Variants in ROBO2 observed in about 807,000 individuals in gnomAD.
ROBO2 encodes roundabout guidance receptor 2, also known as roundabout homolog 2.
In ROBO2, 53 loss-of-function variants were observed where a neutral mutation model predicts 160.8. The ratio of observed to expected loss-of-function variants is 0.33; its 90% CI spans 0.26 to 0.41. The LOEUF (loss-of-function observed/expected upper bound fraction) is 0.41. ROBO2 is among the 10% of genes least tolerant of loss of function. ROBO2 has a pLI of 1.00. For missense variants in ROBO2, 1,577 were observed against 1,722.4 expected (o/e 0.92, Z 1.49); for synonymous variants, 664 against 611.7 (o/e 1.09, Z -1.26).
At chr3:76,983,844 A>G (rs1185282127) in intron 2 of ROBO2, among the ~76,000 whole-genome samples, 4 of 152,216 alleles carry the variant, frequency 2.6e-5, no homozygotes, top group Non-Finnish European at 5.9e-5. Flanking sequence ...AAGCTGGTGT[A>G]TTAGTCTTTC....
chr3:77,036,000 G>T (rs2063612138), upstream of ROBO2, among the ~76,000 whole-genome samples: 1 of 151,790 alleles, frequency 6.6e-6, no homozygotes, highest in Non-Finnish European at 1.5e-5. Flanking sequence ...GTATATTTTG[G>T]TACACTGCGG....
At chr3:76,919,180 C>T (rs370346474) in intron 2 of ROBO2, among the ~76,000 whole-genome samples, 2 of 151,442 alleles carry the variant, frequency 1.3e-5, no homozygotes, top group South Asian at 2.1e-4. Context: ...ACATGTACCC[C>T]GGAACTTAAA....
intron 2 of ROBO2, among the ~76,000 whole-genome samples, chr3:77,438,121 T>C (rs1671083696): frequency 6.6e-6 from 1 of 151,882 alleles, no homozygotes; most frequent in South Asian, 2.1e-4. Flanking sequence ...CTACACAGCC[T>C]TGATTGGATT....
At chr3:76,333,536 G>T (rs1429811258) in intron 2 of ROBO2, among the ~76,000 whole-genome samples, 1 of 152,120 alleles carries the variant, frequency 6.6e-6, no homozygotes, top group African/African-American at 2.4e-5. Context: ...TTAATAAAAA[G>T]ATGTGGTTGC....
Position 76,056,398 on chromosome 3 carries a change from A to C in ROBO2, c.109+118796A>C, listed in dbSNP as rs562415833. ...ACTAACCCTGCTTATAAAACCTTTA[A>C]ATTGCGTGATATTTTCTTTAAAAAA... On this transcript the variant is annotated intron_variant, in intron 2 of 26. Transcript: ENST00000487694. 8.5e-4 allele frequency among the ~76,000 whole-genome samples: 129 copies of C among 152,206 alleles called. 1 individual carries two copies. Among genetic ancestry groups the C allele is most frequent in the Non-Finnish European group, 1.7e-3 (119 of 68,014 alleles).
chr3:76,766,201 C>T (rs2061569070), intron 2 of ROBO2, among the ~76,000 whole-genome samples: 1 of 151,598 alleles, frequency 6.6e-6, no homozygotes, highest in Non-Finnish European at 1.5e-5. Context: ...TATAAGTCAA[C>T]GAAACCTCCA....
intron 2 of ROBO2, among the ~76,000 whole-genome samples, chr3:77,455,854 T>C (rs1271918022): frequency 6.6e-6 from 1 of 152,184 alleles, no homozygotes; most frequent in South Asian, 2.1e-4. Flanking sequence ...AATTTTCACA[T>C]GTGTTTCTCT....
chr3:76,787,380 T>C (rs2108680193), intron 2 of ROBO2, among the ~76,000 whole-genome samples: 1 of 143,652 alleles, frequency 7.0e-6, no homozygotes, highest in East Asian at 2.0e-4. Context: ...TTTGTTAGCT[T>C]GTGGCCCAAA....
chr3:76,359,934 A>G (rs1397352789), intron 2 of ROBO2, among the ~76,000 whole-genome samples: 1 of 152,084 alleles, frequency 6.6e-6, no homozygotes. Context: ...CACATAGAGT[A>G]AACCCAGCTG....
At chr3:76,148,238 A>C (rs915336615) in intron 2 of ROBO2, among the ~76,000 whole-genome samples, 1 of 152,004 alleles carries the variant, frequency 6.6e-6, no homozygotes, top group Non-Finnish European at 1.5e-5. Flanking sequence ...CTAATAAAAT[A>C]AACCAACTCT....
At chr3:76,698,129 T>TGGAAGAATTGGATGTAG (rs1460895738) in intron 2 of ROBO2, among the ~76,000 whole-genome samples, 6 of 152,116 alleles carry the variant, frequency 3.9e-5, no homozygotes, top group East Asian at 1.9e-4. Context: ...ATTCACTGGT[T>TGGAAGAATTGGATGTAG]AGGCTTTTTC....
At chr3:77,112,511 T>G (rs2073757326) in intron 2 of ROBO2, among the ~76,000 whole-genome samples, 1 of 152,052 alleles carries the variant, frequency 6.6e-6, no homozygotes, top group African/African-American at 2.4e-5. Context: ...CCCAAAGTGC[T>G]GGGATTACAG....
At chr3:76,007,298 C>T (rs2066049920) in intron 2 of ROBO2, among the ~76,000 whole-genome samples, 1 of 152,050 alleles carries the variant, frequency 6.6e-6, no homozygotes. Context: ...TTTCTTTTAG[C>T]ACTTTTTTTG....
At chr3:77,104,117 G>A (rs184356058) in intron 2 of ROBO2, among the ~76,000 whole-genome samples, 12 of 152,054 alleles carry the variant, frequency 7.9e-5, no homozygotes, top group Non-Finnish European at 1.6e-4. Flanking sequence ...AATGTTTTTG[G>A]TGTATTCATG....
chr3:76,988,833 G>A (rs1484357161), intron 2 of ROBO2, among the ~76,000 whole-genome samples: 2 of 152,052 alleles, frequency 1.3e-5, no homozygotes, highest in African/African-American at 2.4e-5. Flanking sequence ...TTTCAAAATC[G>A]AGTATCAAAC....
intron 2 of ROBO2, among the ~76,000 whole-genome samples, chr3:76,168,371 CTGTT>C (rs1461873691): frequency 6.6e-6 from 1 of 152,062 alleles, no homozygotes; most frequent in Non-Finnish European, 1.5e-5. Flanking sequence ...ATATTTTCGT[CTGTT>C]TATTTTTCCT....
At chr3:76,997,002 A>G (rs377206356) in intron 2 of ROBO2, among the ~76,000 whole-genome samples, 1 of 152,180 alleles carries the variant, frequency 6.6e-6, no homozygotes, top group South Asian at 2.1e-4. Context: ...AAAAAGAAGT[A>G]TTAAGACATA....
intron 2 of ROBO2, among the ~76,000 whole-genome samples, chr3:77,023,996 TGTG>T (rs2149518740): frequency 6.6e-6 from 1 of 152,356 alleles, no homozygotes; most frequent in African/African-American, 2.4e-5. Context: ...AGTATAAAAA[TGTG>T]GTATTAGTAT....
intron 2 of ROBO2, among the ~76,000 whole-genome samples, chr3:76,350,822 GT>G (rs1231506420): frequency 6.6e-6 from 1 of 151,732 alleles, no homozygotes; most frequent in Non-Finnish European, 1.5e-5. Flanking sequence ...TTTCTGTTTA[GT>G]TTTTATAGAC....
Sources: gnomAD v4.1 joint callset for allele counts (sites outside exome capture counted in the v4.1 genomes callset) on GRCh38, gnomAD v4.1.1 for gene constraint, MANE v1.5 for transcripts, NCBI Gene and HGNC (gene_info 2026-07-23, HGNC 2026-07-21) for gene names.